TMEM135: variants seen among roughly 807,000 people sequenced by gnomAD.
The protein encoded by TMEM135 is peroxisomal membrane protein 52.
A neutral mutation model predicts 60.3 loss-of-function variants in TMEM135; 30 were observed. The observed-to-expected ratio is 0.50, with a 90% CI of 0.37 to 0.68. TMEM135 has a LOEUF of 0.68. TMEM135 is among the 30% of genes least tolerant of loss of function. The probability of loss-of-function intolerance (pLI) is 0.00; values close to 1 mark genes in which losing one functional copy is unlikely to be tolerated. For missense variants in TMEM135, 468 were observed against 548.8 expected, an observed-to-expected ratio of 0.85 and a Z score of 1.47; for synonymous variants, 190 against 186.7, an observed-to-expected ratio of 1.02 and a Z score of -0.14.
rs543306818 is a variant in TMEM135, at chr11:87,314,566, CAAG to C, written c.1077+22_1077+24del. On this transcript the variant is annotated intron_variant, in intron 12 of 14. Transcript: ENST00000305494. ...GGTAGAGGTAAGCGAAATTTTTGTG[CAAG>C]AATAGTTCCAAAGAACATAAAGCTT... 845 of 1,597,074 alleles carry C rather than the reference CAAG, an allele frequency of 5.3e-4. 2 individuals carry two copies. The African/African-American group carries it at 0.01, about 19-fold the overall frequency.
intron 5 of TMEM135, among the ~76,000 whole-genome samples, chr11:87,174,664 G>C (rs1939324242): frequency 1.3e-5 from 2 of 152,066 alleles, no homozygotes. Flanking sequence ...TTATAAGCAA[G>C]GTACAGTAAG....
chr11:87,251,775 G>T (rs376352354), intron 6 of TMEM135, among the ~76,000 whole-genome samples: 1 of 152,142 alleles, frequency 6.6e-6, no homozygotes, highest in Non-Finnish European at 1.5e-5. Context: ...GAACTAAAAC[G>T]CGTGAGCACC....
At chr11:87,081,409 C>T (rs1856990524) in intron 3 of TMEM135, among the ~76,000 whole-genome samples, 2 of 151,750 alleles carry the variant, frequency 1.3e-5, no homozygotes, top group African/African-American at 4.8e-5. Context: ...CTTAATGTTA[C>T]CATTTTACTA....
chr11:87,182,942 AT>A (rs1939555703), intron 5 of TMEM135, among the ~76,000 whole-genome samples: 1 of 151,994 alleles, frequency 6.6e-6, no homozygotes, highest in South Asian at 2.1e-4. Flanking sequence ...ATTAGATAGA[AT>A]TTTTAATCAT....
At position 87,328,792 on chromosome 11, in the gene TMEM135, T is replaced by A; in HGVS notation, c.*7459T>A. 1 of 454,128 alleles carries A rather than the reference T, an allele frequency of 2.2e-6. No homozygotes were observed. Among genetic ancestry groups the A allele is most frequent in the South Asian group, 1.6e-5 (1 of 64,484 alleles). The allele number at this position is 454,128 out of a possible 1,614,324, so 28.1% of individuals were successfully genotyped here. A position where few individuals can be genotyped will look rare whatever the true frequency, so the allele number is the denominator to read the frequency against. Reference sequence around the variant, plus strand: ...ATTCTGTATCTTTGCAATTGTGAACTGTGTTAACAATAAAAATATATATAC... The same window carrying A: ...ATTCTGTATCTTTGCAATTGTGAACAGTGTTAACAATAAAAATATATATAC... On this transcript the variant is annotated 3_prime_UTR_variant, in exon 15 of 15. Transcript: ENST00000305494.
chr11:87,169,906 G>C (rs1458666292), intron 5 of TMEM135, among the ~76,000 whole-genome samples: 9 of 152,040 alleles, frequency 5.9e-5, no homozygotes, highest in Non-Finnish European at 1.2e-4. Flanking sequence ...TTCAAACCTG[G>C]TTCCATTCTC....
intron 13 of TMEM135, 128 bp downstream of exon 13, chr11:87,318,363 T>A: frequency 1.3e-6 from 1 of 757,326 alleles, no homozygotes. Context: ...TTCTTTTTTG[T>A]TTTGTTTTGT....
chr11:87,210,634 A>G (rs1178376160), intron 5 of TMEM135, among the ~76,000 whole-genome samples: 2 of 152,168 alleles, frequency 1.3e-5, no homozygotes, highest in Non-Finnish European at 2.9e-5. Context: ...AAGAAAATCA[A>G]GGAGGGGGGA....
chr11:87,057,384 A>G (rs1346069951), intron 1 of TMEM135, among the ~76,000 whole-genome samples: 1 of 152,126 alleles, frequency 6.6e-6, no homozygotes, highest in Non-Finnish European at 1.5e-5. Context: ...CTTCCCACAT[A>G]TATTATTAAC....
chr11:87,105,487 GT>G (rs1330884144), intron 4 of TMEM135, among the ~76,000 whole-genome samples: 2 of 152,042 alleles, frequency 1.3e-5, no homozygotes, highest in Non-Finnish European at 2.9e-5. Context: ...TCACGAATCC[GT>G]TTTCTGGTTC....
At chr11:87,091,678 G>T (rs1253534491) in intron 4 of TMEM135, among the ~76,000 whole-genome samples, 1 of 151,884 alleles carries the variant, frequency 6.6e-6, no homozygotes, top group African/African-American at 2.4e-5. Flanking sequence ...ACTTGTATGT[G>T]TATATATCTG....
intron 6 of TMEM135, among the ~76,000 whole-genome samples, chr11:87,268,002 T>G (rs1234123501): frequency 6.6e-6 from 1 of 151,730 alleles, no homozygotes; most frequent in Non-Finnish European, 1.5e-5. Context: ...ATGATCAGTG[T>G]TCTTATTTCC....
intron 6 of TMEM135, among the ~76,000 whole-genome samples, chr11:87,244,936 C>G (rs777950054): frequency 6.6e-6 from 1 of 151,168 alleles, no homozygotes; most frequent in East Asian, 1.9e-4. Flanking sequence ...CTTTTAATTG[C>G]GATGTTCGGG....
intron 6 of TMEM135, among the ~76,000 whole-genome samples, chr11:87,279,216 G>A (rs911182668): frequency 1.3e-5 from 2 of 151,862 alleles, no homozygotes; most frequent in Non-Finnish European, 2.9e-5. Context: ...ATATCAGTTT[G>A]TATCTTTGGA....
chr11:87,162,791 G>A (rs916572563), intron 5 of TMEM135, among the ~76,000 whole-genome samples: 36 of 152,064 alleles, frequency 2.4e-4, no homozygotes, highest in African/African-American at 7.5e-4. Flanking sequence ...TTAAGGAATC[G>A]CCACACTGTC....
intron 4 of TMEM135, among the ~76,000 whole-genome samples, chr11:87,113,502 A>G (rs1857805068): frequency 6.6e-6 from 1 of 152,044 alleles, no homozygotes; most frequent in East Asian, 1.9e-4. Flanking sequence ...TTGTAACAAG[A>G]TTTAGTTTAT....
intron 5 of TMEM135, among the ~76,000 whole-genome samples, chr11:87,223,700 A>AC (rs1226431034): frequency 2.7e-5 from 4 of 145,848 alleles, no homozygotes; most frequent in African/African-American, 1.1e-4. Context: ...CACACACAAA[A>AC]TTAGCTGGGT....
At chr11:87,248,506 A>G (rs1356598066) in intron 6 of TMEM135, among the ~76,000 whole-genome samples, 1 of 152,138 alleles carries the variant, frequency 6.6e-6, no homozygotes, top group Non-Finnish European at 1.5e-5. Flanking sequence ...TCTTCTTTTG[A>G]AGAAGTAGTG....
chr11:87,193,409 T>C (rs1444088481), intron 5 of TMEM135, among the ~76,000 whole-genome samples: 1 of 152,214 alleles, frequency 6.6e-6, no homozygotes, highest in East Asian at 1.9e-4. Flanking sequence ...TTTTTATCCA[T>C]TTTCCTTGTA....
Sources: gnomAD v4.1 joint callset for allele counts (sites outside exome capture counted in the v4.1 genomes callset) on GRCh38, gnomAD v4.1.1 for gene constraint, MANE v1.5 for transcripts, NCBI Gene and HGNC (gene_info 2026-07-23, HGNC 2026-07-21) for gene names.